Variants in GPATCH2L observed in about 807,000 individuals in gnomAD.
The protein encoded by GPATCH2L is G-patch domain containing 2 like, also known as G patch domain-containing protein 2-like.
In GPATCH2L, 31 loss-of-function variants were observed where a neutral mutation model predicts 57.4. The ratio of observed to expected loss-of-function variants is 0.54; its 90% CI spans 0.41 to 0.73. The LOEUF (loss-of-function observed/expected upper bound fraction) is 0.73, where lower values mean the gene tolerates loss of function less well. Among genes scored for constraint, GPATCH2L ranks in the 30% least tolerant of loss-of-function variants. GPATCH2L has a pLI of 0.00. For synonymous variants in GPATCH2L, 199 were observed against 210.7 expected (o/e 0.94, Z 0.48); for missense variants, 481 against 599.9 (o/e 0.80, Z 2.07).
chr14:76,198,294 T>C (rs985527639), intron 9 of GPATCH2L, among the ~76,000 whole-genome samples: 3 of 152,028 alleles, frequency 2.0e-5, no homozygotes, highest in African/African-American at 7.3e-5. Context: ...CCTGCAAGTG[T>C]CTCCCTCATG....
chr14:76,233,448 T>A (rs2040584026), intron 2 of GPATCH2L, among the ~76,000 whole-genome samples: 1 of 152,112 alleles, frequency 6.6e-6, no homozygotes. Context: ...TCTTTAAAGG[T>A]TTTTCTTGTG....
At chr14:76,174,508 G>A (rs1241079535) in intron 5 of GPATCH2L, 2 of 152,206 alleles carry the variant, frequency 1.3e-5, no homozygotes, top group Admixed American at 6.5e-5. Flanking sequence ...CCCTTAAGGG[G>A]ATACTGTTTT....
intron 8 of GPATCH2L, among the ~76,000 whole-genome samples, chr14:76,186,127 G>A (rs2039756769): frequency 6.6e-6 from 1 of 152,100 alleles, no homozygotes; most frequent in East Asian, 1.9e-4. Flanking sequence ...TAGGATAATT[G>A]CAATTTTAAA....
At chr14:76,216,727 C>T (rs543739752), downstream of GPATCH2L, among the ~76,000 whole-genome samples, 18 of 152,120 alleles carry the variant, frequency 1.2e-4, no homozygotes, top group African/African-American at 3.4e-4. Context: ...AAGAGCAGCC[C>T]GAGGAAAACC....
In GPATCH2L at chr14:76,211,918, G is replaced by T. The variant is rs2040444477; in HGVS notation, c.*10067G>T. On this transcript the variant is annotated 3_prime_UTR_variant, in exon 10 of 10. Transcript: ENST00000261530. ...TTCCTGAACAGCTTCTGACTGACCA[G>T]CATTTTAAATTAGGCGATGCAGTCT... 1 of 152,246 alleles carries T rather than the reference G, an allele frequency of 6.6e-6. No homozygotes were observed. The highest frequency in any genetic ancestry group is 1.5e-5 in the Non-Finnish European group (1 of 68,014). 9.4% of individuals were successfully genotyped at this position (152,246 alleles called of 1,614,324 possible). A position where few individuals can be genotyped will look rare whatever the true frequency, so the allele number is the denominator to read the frequency against.
chr14:76,176,685 G>C lies in GPATCH2L; in HGVS notation c.1047G>C (p.Gln349His). ...RISHIISDPR[Q>H]KEKNKALASD... is the part of the protein sequence containing the mutation. ...GCCATATCATTAGTGACCCTCGGCA[G>C]AAAGAGTAAGTGCTTATGTATTTAC... Residue 349 changes from glutamine to histidine, a missense_variant, in exon 6 of 10, where the codon CAG becomes CAC. Physicochemically the swap from Gln to His is conservative, Grantham distance 24. Around this residue, in one of 3 missense-constraint regions of GPATCH2L, gnomAD observed 248 missense variants for 270.5 expected, o/e 0.92. Transcript: ENST00000261530. 1 of 1,600,804 alleles carries C rather than the reference G, an allele frequency of 6.2e-7. No individual in the cohort carries two copies. Among genetic ancestry groups the C allele is most frequent in the Non-Finnish European group, 8.6e-7 (1 of 1,167,852 alleles).
chr14:76,220,818 C>T (rs1165642426), intron 1 of GPATCH2L, among the ~76,000 whole-genome samples: 2 of 152,014 alleles, frequency 1.3e-5, no homozygotes, highest in Admixed American at 6.6e-5. Context: ...AGAAATTAAA[C>T]ATTACAATTC....
In GPATCH2L at chr14:76,180,750, A is replaced by T; in HGVS notation, c.1108-14A>T. 1 of 1,562,066 alleles carries T rather than the reference A, an allele frequency of 6.4e-7. No homozygotes were observed. Among genetic ancestry groups the T allele is most frequent in the East Asian group, 2.2e-5 (1 of 44,616 alleles). ...ATGTAAGCCTTACTAAAATAGTCTT[A>T]TTCATTCCTGCAGTTCAATCCCCTG... On this transcript the variant is annotated splice_polypyrimidine_tract_variant and intron_variant, in intron 7 of 9. Coordinates refer to ENST00000261530, the MANE Select transcript of GPATCH2L (RefSeq NM_017926.4).
At position 76,173,526 on chromosome 14, in the gene GPATCH2L, G is replaced by A; in HGVS notation, c.905-20G>A. 1 of 1,552,826 alleles carries A rather than the reference G, an allele frequency of 6.4e-7. No homozygotes were observed. Among genetic ancestry groups the A allele is most frequent in the East Asian group, 2.2e-5 (1 of 44,452 alleles). On this transcript the variant is annotated intron_variant, in intron 4 of 9. Transcript: ENST00000261530. ...TGGATTTTCTGCATTCGGTATCTGA[G>A]GCCTTCCTTCTTTTTTTAGGGTACC...
intron 3 of GPATCH2L, 116 bp from the exon 4 acceptor site, chr14:76,171,727 A>T: frequency 1.5e-6 from 1 of 682,956 alleles, no homozygotes; most frequent in Non-Finnish European, 2.4e-6. Context: ...TGTCTCAAAA[A>T]GGAAAAAAAA....
chr14:76,170,519 T>A (rs1270334948), intron 3 of GPATCH2L: 2 of 152,160 alleles, frequency 1.3e-5, no homozygotes, highest in Non-Finnish European at 2.9e-5. Context: ...ACAAATGGCC[T>A]TGGGAAAATG....
intron 9 of GPATCH2L, chr14:76,196,600 A>T (rs1274023827): frequency 6.4e-6 from 1 of 156,836 alleles, no homozygotes; most frequent in Non-Finnish European, 1.4e-5. Context: ...GTGGCTGCTT[A>T]CATAGGTAGA....
chr14:76,223,982 C>A (rs747767704), intron 1 of GPATCH2L, among the ~76,000 whole-genome samples: 18 of 152,274 alleles, frequency 1.2e-4, no homozygotes, highest in Non-Finnish European at 2.1e-4. Context: ...AAAGTGAAAA[C>A]CACCCAAGTA....
rs2040350797 is a variant in GPATCH2L at position 76,204,302 on chromosome 14, G to A, written c.*2451G>A. 1.3e-5 allele frequency: 2 copies of A among 152,168 alleles called. No individual in the cohort carries two copies. The highest frequency in any genetic ancestry group is 4.8e-5 in the African/African-American group (2 of 41,432). The allele number at this position is 152,168 out of a possible 1,614,324, so 9.4% of individuals were successfully genotyped here. On this transcript the variant is annotated 3_prime_UTR_variant, in exon 10 of 10. Transcript: ENST00000261530. ...CTACACATTTTGAATACTTTCAACA[G>A]GGATTACCCAAGAATGCAACATCTA...
chr14:76,160,399 T>C (rs2038525756), intron 2 of GPATCH2L, among the ~76,000 whole-genome samples: 2 of 152,196 alleles, frequency 1.3e-5, no homozygotes, highest in Non-Finnish European at 2.9e-5. Flanking sequence ...ATCTTGGCAA[T>C]AGGCCATCTG....
chr14:76,167,492 G>T (rs946750398), intron 3 of GPATCH2L, among the ~76,000 whole-genome samples: 1 of 152,178 alleles, frequency 6.6e-6, no homozygotes, highest in Admixed American at 6.5e-5. Context: ...AAGGACAGAC[G>T]TAGTGGCTAC....
intron 1 of GPATCH2L, chr14:76,152,805 T>C (rs571623400): frequency 2.2e-6 from 1 of 454,434 alleles, no homozygotes; most frequent in East Asian, 6.9e-5. Context: ...TTTTTTGTAT[T>C]TTTGTTGCCT....
rs2039074834 is a variant in GPATCH2L, at chr14:76,171,348, G to A, written c.728-495G>A. ...CCAGCACTTTGGGAGGCCGAGGCGGGTGGATCAGTTGAGGTCAGGAGTCCA... is the reference window on the plus strand; with the variant it reads ...CCAGCACTTTGGGAGGCCGAGGCGGATGGATCAGTTGAGGTCAGGAGTCCA... On this transcript the variant is annotated intron_variant, in intron 3 of 9. Coordinates refer to ENST00000261530, the MANE Select transcript of GPATCH2L (RefSeq NM_017926.4). Among the ~76,000 whole-genome samples, 3 of 151,978 alleles carry A rather than the reference G, an allele frequency of 2.0e-5. No individual in the cohort carries two copies. The South Asian group carries it at 6.2e-4, about 32-fold the overall frequency.
downstream of GPATCH2L, among the ~76,000 whole-genome samples, chr14:76,215,767 G>T (rs1469921550): frequency 8.1e-6 from 1 of 122,928 alleles, no homozygotes; most frequent in African/African-American, 3.1e-5. Context: ...GGACTGTGGT[G>T]GGGTGGGGGG....
Sources: gnomAD v4.1 joint callset for allele counts (sites outside exome capture counted in the v4.1 genomes callset) on GRCh38, gnomAD v4.1.1 for gene constraint, gnomAD v4.1.1 regional missense constraint, MANE v1.5 for transcripts, NCBI Gene and HGNC (gene_info 2026-07-23, HGNC 2026-07-21) for gene names.